ADGRE5: variants seen among roughly 807,000 people sequenced by gnomAD.
ADGRE5 encodes adhesion G protein-coupled receptor E5, also known as CD97 molecule.
ADGRE5 carries 72 observed loss-of-function variants against 100.3 expected under a neutral mutation model. The observed-to-expected ratio is 0.72, with a 90% confidence interval of 0.59 to 0.87. The LOEUF (loss-of-function observed/expected upper bound fraction) is 0.87, where lower values mean the gene tolerates loss of function less well. Among genes scored for constraint, ADGRE5 ranks in the 40% least tolerant of loss-of-function variants. The probability of loss-of-function intolerance (pLI) is 0.00; values close to 1 mark genes in which losing one functional copy is unlikely to be tolerated. For missense variants in ADGRE5, 959 were observed against 1,094.7 expected (o/e 0.88, Z 1.75); for synonymous variants, 439 against 447.8 (o/e 0.98, Z 0.25).
At position 14,381,545 on chromosome 19, in the gene ADGRE5, G is replaced by A; in HGVS notation, c.22G>A (p.Ala8Thr). The A allele has an allele frequency of 6.2e-7, 1 of 1,607,582 alleles. No homozygotes were observed. Among genetic ancestry groups the A allele is most frequent in the Non-Finnish European group, 8.5e-7 (1 of 1,178,062 alleles). Residue 8 changes from alanine (A) to threonine (T), a missense_variant and splice_region_variant, in exon 1 of 20, where the codon GCA (alanine) becomes ACA (threonine). Ala to Thr is a moderately conservative substitution (Grantham distance 58). This residue lies in a region of ADGRE5 where 114 missense variants were observed against 195.7 expected (regional missense o/e 0.58). Transcript: ENST00000242786. Reference sequence around the variant, plus strand: ...AACCATGGGAGGCCGCGTCTTTCTCGGTAAGTACTTTGGGGCCCCGCTGGG... The same window carrying A: ...AACCATGGGAGGCCGCGTCTTTCTCAGTAAGTACTTTGGGGCCCCGCTGGG... Reference protein sequence around the residue: MGGRVFLAFCVWLTLPGA... With the variant: MGGRVFLTFCVWLTLPGA...
chr19:14,403,661 A>G (rs1976101549), intron 12 of ADGRE5, among the ~76,000 whole-genome samples: 1 of 151,940 alleles, frequency 6.6e-6, no homozygotes, highest in Non-Finnish European at 1.5e-5. Context: ...GTTAATTAAA[A>G]ACAAAAAAAT....
intron 13 of ADGRE5, 72 bp from the exon 14 acceptor site, chr19:14,405,675 GA>G: frequency 1.8e-5 from 21 of 1,154,588 alleles, no homozygotes; most frequent in South Asian, 2.8e-5. Context: ...GTGTGGGGGG[GA>G]AAAGGGACCA....
intron 12 of ADGRE5, among the ~76,000 whole-genome samples, 174 bp downstream of exon 12, chr19:14,403,036 TTTAA>T (rs747513790): frequency 2.2e-4 from 34 of 152,112 alleles, no homozygotes; most frequent in Non-Finnish European, 3.8e-4. Context: ...ATTTATTTAA[TTTAA>T]TTAATTAATT....
At chr19:14,393,699 G>A (rs1227302801) in intron 4 of ADGRE5, among the ~76,000 whole-genome samples, 2 of 152,208 alleles carry the variant, frequency 1.3e-5, no homozygotes, top group Non-Finnish European at 2.9e-5. Flanking sequence ...GAGGGATAAA[G>A]AGGGAGGTGG....
chr19:14,389,773 G>A (rs561368415), intron 3 of ADGRE5, among the ~76,000 whole-genome samples: 10 of 151,038 alleles, frequency 6.6e-5, no homozygotes, highest in South Asian at 4.2e-4. Flanking sequence ...AGGAGAGAAA[G>A]AGAAAGAAAA....
At chr19:14,384,791 T>A (rs569980095) in intron 1 of ADGRE5, among the ~76,000 whole-genome samples, 177 of 151,834 alleles carry the variant, frequency 1.2e-3, no homozygotes, top group African/African-American at 4.1e-3. Flanking sequence ...TCTATCACCA[T>A]GTAATTTCTG....
rs777230363 is a variant in ADGRE5, at chr19:14,401,588, T to TGCCCC, written c.1075+26_1075+30dup. The TGCCCC allele has an allele frequency of 6.2e-7, 1 of 1,611,346 alleles. No homozygotes were observed. Among genetic ancestry groups the TGCCCC allele is most frequent in the Non-Finnish European group, 8.5e-7 (1 of 1,178,192 alleles). On this transcript the variant is annotated intron_variant, in intron 10 of 19. Transcript: ENST00000242786. This position sits in a 1 kb window ranked among gnomAD's most constrained non-coding sequence, Gnocchi z 4.1. ...GGTGAGGCCTTGGCCTGGCCTGCCC[T>TGCCCC]GCCCCAACCCTGGGCCCCACCTGGT...
In ADGRE5 at chr19:14,397,768, G is replaced by A. The variant is rs768234238; in HGVS notation, c.736G>A (p.Gly246Arg). 1.3e-4 allele frequency: 175 copies of A among 1,365,456 alleles called. No homozygotes were observed. Among genetic ancestry groups the A allele is most frequent in the Middle Eastern group, 2.1e-4 (1 of 4,874 alleles). 84.6% of individuals were successfully genotyped at this position (1,365,456 alleles called of 1,614,324 possible). ...RCRPGWKPRH[G>R]IPNNQKDTVC... ...CCGCCCAGGCTGGAAGCCCAGACAC[G>A]GAATCCCGAATAACCAAAAGGACAC... The change falls in exon 7 of 20, where the codon GGA (glycine) becomes AGA (arginine). Residue 246 changes from glycine (G) to arginine (R), a missense_variant. Physicochemically the swap from Gly to Arg is moderately radical, Grantham distance 125. Around this residue, in one of 6 missense-constraint regions of ADGRE5, gnomAD observed 69 missense variants for 135.0 expected, o/e 0.51. Coordinates refer to ENST00000242786, the MANE Select transcript of ADGRE5 (RefSeq NM_078481.4).
intron 4 of ADGRE5, among the ~76,000 whole-genome samples, chr19:14,394,153 G>A (rs888690565): frequency 1.3e-5 from 2 of 152,190 alleles, no homozygotes; most frequent in African/African-American, 4.8e-5. Flanking sequence ...GACTCAGTCA[G>A]GCAGCTGGGC....
intron 1 of ADGRE5, among the ~76,000 whole-genome samples, chr19:14,385,453 A>G (rs1166418441): frequency 6.6e-6 from 1 of 150,736 alleles, no homozygotes. Flanking sequence ...CTTTGTCTCT[A>G]TCTCTCTGGT....
chr19:14,385,625 G>A (rs1483261894), intron 1 of ADGRE5, among the ~76,000 whole-genome samples: 2 of 151,430 alleles, frequency 1.3e-5, no homozygotes, highest in East Asian at 4.0e-4. Flanking sequence ...TGGGAGGGGG[G>A]CCCGGGGGTG....
At chr19:14,388,069 CTG>C (rs1568307615) in intron 1 of ADGRE5, among the ~76,000 whole-genome samples, 1 of 151,940 alleles carries the variant, frequency 6.6e-6, no homozygotes, top group East Asian at 1.9e-4. Context: ...GAGCAAGACT[CTG>C]TCTCAAAAAG....
rs199755477 is a variant in ADGRE5, at chr19:14,406,711, A to C, written c.2060A>C (p.Asp687Ala). 54 of 1,613,854 alleles carry C rather than the reference A, an allele frequency of 3.3e-5. No individual in the cohort carries two copies. In the Middle Eastern group the frequency reaches 4.9e-4, roughly 15 times the overall value. ...CCCTTCCCTCCTAGCTGCTGGTTGG[A>C]CTTTGAGCAGGGCTTCCTCTGGAGC... ...GYGRPRYCWL[D>A]FEQGFLWSFL... Residue 687 changes from aspartate (D) to alanine (A), a missense_variant, in exon 16 of 20, where the codon GAC becomes GCC. Asp to Ala is a moderately radical substitution (Grantham distance 126). Transcript: ENST00000242786. The surrounding 1 kb of genome is among the most constrained non-coding windows in gnomAD (Gnocchi z 6.0).
rs576649925 is a variant in ADGRE5 at position 14,406,303 on chromosome 19, G to C, written c.1822-28G>C. ...GCATGCCCCTCCCCGCGCTGACGTC[G>C]CTCCGCCCCTCCGTCCCCGCCCCGC... On this transcript the variant is annotated intron_variant, in intron 14 of 19. Coordinates refer to ENST00000242786, the MANE Select transcript of ADGRE5 (RefSeq NM_078481.4). The surrounding 1 kb of genome is among the most constrained non-coding windows in gnomAD (Gnocchi z 6.0). 7.3e-6 allele frequency: 11 copies of C among 1,513,842 alleles called. No individual in the cohort carries two copies. The East Asian group carries it at 7.3e-5, about 10-fold the overall frequency. The allele number at this position is 1,513,842 out of a possible 1,614,324, so 93.8% of individuals were successfully genotyped here. A position where few individuals can be genotyped will look rare whatever the true frequency, so the allele number is the denominator to read the frequency against.
At chr19:14,398,854 T>A (rs1009800441) in intron 9 of ADGRE5, among the ~76,000 whole-genome samples, 17 of 150,968 alleles carry the variant, frequency 1.1e-4, no homozygotes, top group African/African-American at 4.1e-4. Flanking sequence ...TTTTTTTTTT[T>A]ATTTGGAAAC....
chr19:14,388,895 T>C, intron 3 of ADGRE5, 77 bp downstream of exon 3: 1 of 1,336,912 alleles, frequency 7.5e-7, no homozygotes, highest in African/African-American at 1.4e-5. Context: ...ACAGAGGTTG[T>C]TGTGAGGGGC....
chr19:14,388,311 G>A, intron 1 of ADGRE5, 139 bp from the exon 2 acceptor site: 3 of 1,451,198 alleles, frequency 2.1e-6, no homozygotes, highest in South Asian at 2.6e-5. Context: ...AGTGGGACAT[G>A]ACATCTGCTC....
In ADGRE5 at chr19:14,406,410, G is replaced by C. The variant is rs1166698270; in HGVS notation, c.1901G>C (p.Gly634Ala). 1 of 1,592,372 alleles carries C rather than the reference G, an allele frequency of 6.3e-7. No homozygotes were observed. The highest frequency in any genetic ancestry group is 1.3e-5 in the African/African-American group (1 of 74,594). Reference protein sequence around the residue: ...LAAFCWMSLEGLELYFLVVRV... With the variant: ...LAAFCWMSLEALELYFLVVRV... ...GCCTTCTGCTGGATGAGCCTCGAAG[G>C]CCTGGAGCTCTACTTTCTTGTGGTG... The change falls in exon 15 of 20, where the codon GGC becomes GCC. Residue 634 changes from glycine to alanine, a missense_variant. Gly to Ala is a moderately conservative substitution (Grantham distance 60). This residue lies in a region of ADGRE5 where 428 missense variants were observed against 386.2 expected (regional missense o/e 1.11). Coordinates refer to ENST00000242786, the MANE Select transcript of ADGRE5 (RefSeq NM_078481.4). This position sits in a 1 kb window ranked among gnomAD's most constrained non-coding sequence, Gnocchi z 6.0.
intron 4 of ADGRE5, chr19:14,391,508 G>A (rs1244118744): frequency 6.2e-6 from 1 of 162,106 alleles, no homozygotes; most frequent in African/African-American, 2.4e-5. Flanking sequence ...TAGATTGTTT[G>A]AGCCCAGGGG....
Sources: allele counts gnomAD v4.1 joint callset (sites outside exome capture counted in the v4.1 genomes callset), GRCh38; gene constraint gnomAD v4.1.1; regional missense constraint gnomAD v4.1.1; non-coding constraint Gnocchi (gnomAD v3.1); transcripts MANE v1.5; gene names NCBI Gene and HGNC (gene_info 2026-07-23, HGNC 2026-07-21).